Variants in OR10G3 observed in about 807,000 individuals in gnomAD.
The protein encoded by OR10G3 is olfactory receptor 10G3.
OR10G3 carries 8 observed loss-of-function variants against 13.4 expected under a neutral mutation model. That is an observed-to-expected ratio of 0.60 (90% CI 0.35 to 1.08). The LOEUF (loss-of-function observed/expected upper bound fraction) is 1.08, where lower values mean the gene tolerates loss of function less well. Among genes scored for constraint, OR10G3 ranks in the 50% least tolerant of loss-of-function variants. The pLI is 0.02. For missense variants in OR10G3, 393 were observed against 386.6 expected (o/e 1.02, Z -0.14); for synonymous variants, 142 against 156.1 (o/e 0.91, Z 0.67).
At chr14:21,573,382 C>G (rs1242777349) in intron 1 of OR10G3, among the ~76,000 whole-genome samples, 1 of 151,922 alleles carries the variant, frequency 6.6e-6, no homozygotes, top group Non-Finnish European at 1.5e-5. Flanking sequence ...TCAAAAGGTA[C>G]AAAGTTTCAG....
intron 1 of OR10G3, among the ~76,000 whole-genome samples, chr14:21,575,303 G>A (rs1191108111): frequency 6.6e-6 from 1 of 151,680 alleles, no homozygotes; most frequent in Non-Finnish European, 1.5e-5. Flanking sequence ...GGATGGTCTC[G>A]ATCTCCTGAC....
chr14:21,571,705 C>T (rs1893071306), intron 1 of OR10G3, among the ~76,000 whole-genome samples: 1 of 151,070 alleles, frequency 6.6e-6, no homozygotes, highest in Admixed American at 6.6e-5. Context: ...AGACAGAGTT[C>T]TCTCTGTCAC....
chr14:21,574,453 A>G (rs1009830027), intron 1 of OR10G3, among the ~76,000 whole-genome samples: 5 of 152,188 alleles, frequency 3.3e-5, no homozygotes, highest in African/African-American at 1.2e-4. Flanking sequence ...TGTGCAGGGC[A>G]GCATTCTGCC....
Position 21,572,616 on chromosome 14 carries a change from A to C in OR10G3, c.-17-1855T>G, listed in dbSNP as rs993517600. On this transcript the variant is annotated intron_variant, in intron 1 of 1. Transcript: ENST00000641040. ...CATCTCAAACAAACAAACAAAAAAA[A>C]AAAAAAAAAAAAAAAGAAGGAAAAG... Among the ~76,000 whole-genome samples the C allele has an allele frequency of 5.1e-3, 771 of 150,732 alleles. 3 individuals carry two copies. The highest frequency in any genetic ancestry group is 0.014 in the Middle Eastern group (4 of 290).
intron 1 of OR10G3, among the ~76,000 whole-genome samples, chr14:21,576,175 C>T: frequency 6.6e-6 from 1 of 152,152 alleles, no homozygotes; most frequent in East Asian, 1.9e-4. Context: ...TTAGGTCTCT[C>T]TGGGGGAATC....
rs146937748 is a variant in OR10G3, at chr14:21,577,677, T to C, written c.-18+2109A>G. 1.3e-5 allele frequency among the ~76,000 whole-genome samples: 2 copies of C among 152,354 alleles called. 1 individual carries two copies. The highest frequency in any genetic ancestry group is 4.8e-5 in the African/African-American group (2 of 41,588). On this transcript the variant is annotated intron_variant, in intron 1 of 1. Transcript: ENST00000641040. ...TGAATTCATGAAGTTGCCCGACTTCTTTCATTGACAATCTATCACACTGAG... is the reference window on the plus strand; with the variant it reads ...TGAATTCATGAAGTTGCCCGACTTCCTTCATTGACAATCTATCACACTGAG...
chr14:21,575,348 T>C (rs1351222182), intron 1 of OR10G3, among the ~76,000 whole-genome samples: 2 of 150,222 alleles, frequency 1.3e-5, no homozygotes, highest in South Asian at 4.2e-4. Flanking sequence ...CCCAAAGTGC[T>C]GGGATTACAG....
intron 1 of OR10G3, among the ~76,000 whole-genome samples, chr14:21,573,671 C>CA (rs35838711): frequency 0.2 from 26,667 of 136,506 alleles, 3,922 homozygotes; most frequent in African/African-American, 0.42. Context: ...GACTCTGTCT[C>CA]AAAAAAAAAA....
chr14:21,575,991 C>T (rs1187295364), intron 1 of OR10G3, among the ~76,000 whole-genome samples: 1 of 152,184 alleles, frequency 6.6e-6, no homozygotes, highest in Non-Finnish European at 1.5e-5. Flanking sequence ...AGTACAGAGG[C>T]TCAAGTTCCC....
rs1004610760 is a variant in OR10G3, at chr14:21,569,340, C to T, written c.*463G>A. On this transcript the variant is annotated 3_prime_UTR_variant, in exon 2 of 2. Transcript: ENST00000641040. ...TTAAGGGTGGATCTGCCTTTCCCAG[C>T]CTTCAAATGTTAATCTCTTTTGGCA... 28 of 157,220 alleles carry T rather than the reference C, an allele frequency of 1.8e-4. No homozygotes were observed. Among genetic ancestry groups the T allele is most frequent in the Admixed American group, 1.7e-3 (28 of 16,294 alleles). 9.7% of individuals were successfully genotyped at this position (157,220 alleles called of 1,614,324 possible).
At chr14:21,577,515 T>C (rs761608056) in intron 1 of OR10G3, among the ~76,000 whole-genome samples, 7 of 152,248 alleles carry the variant, frequency 4.6e-5, no homozygotes, top group Non-Finnish European at 8.8e-5. Flanking sequence ...TCATGTGAAC[T>C]GAATCACAAT....
At chr14:21,577,858 G>T (rs145371226) in intron 1 of OR10G3, among the ~76,000 whole-genome samples, 2 of 151,618 alleles carry the variant, frequency 1.3e-5, no homozygotes, top group African/African-American at 2.4e-5. Flanking sequence ...CAAAATTAGT[G>T]TGGTGTGGTG....
intron 1 of OR10G3, among the ~76,000 whole-genome samples, chr14:21,576,556 A>G (rs2139714454): frequency 6.6e-6 from 1 of 152,248 alleles, no homozygotes; most frequent in African/African-American, 2.4e-5. Flanking sequence ...GTTTTATTCT[A>G]ATTATTTTCT....
intron 1 of OR10G3, among the ~76,000 whole-genome samples, chr14:21,571,238 T>C (rs949024135): frequency 6.6e-6 from 1 of 152,184 alleles, no homozygotes; most frequent in South Asian, 2.1e-4. Context: ...GGCCACTGGC[T>C]CACTCTTATC....
Position 21,569,747 on chromosome 14 carries a change from T to A in OR10G3, c.*56A>T. The stretch of plus-strand genomic sequence containing the variant: ...AGAAAAGAAAAAAGTTACCGAAGCC[T>A]AAACATTATAATAAATTCTAATTGT... On this transcript the variant is annotated 3_prime_UTR_variant, in exon 2 of 2. Transcript: ENST00000641040. 2 of 1,451,628 alleles carry A rather than the reference T, an allele frequency of 1.4e-6. No homozygotes were observed. Among genetic ancestry groups the A allele is most frequent in the South Asian group, 2.5e-5 (2 of 79,140 alleles). 89.9% of individuals were successfully genotyped at this position (1,451,628 alleles called of 1,614,324 possible).
chr14:21,574,933 C>G (rs1036316454), intron 1 of OR10G3: 1 of 148,698 alleles, frequency 6.7e-6, no homozygotes, highest in Non-Finnish European at 1.5e-5. Flanking sequence ...GAGACCCTGT[C>G]TTAAAACAAA....
rs200504089 is a variant in OR10G3 at position 21,570,295 on chromosome 14, C to T, written c.450G>A (p.Trp150Ter). Reference sequence around the variant, plus strand: ...GAGCCCCATGGATGGATCCTGCCATCCAGGCTCCAGCCACAAGCAAGGCGC... The same window carrying T: ...GAGCCCCATGGATGGATCCTGCCATTCAGGCTCCAGCCACAAGCAAGGCGC... Reference protein sequence around the residue: ...KLSALLVAGAWMAGSIHGALQ... With the variant: ...KLSALLVAGA The change falls in exon 2 of 2, where the codon TGG (tryptophan) becomes TGA (stop). Residue 150 changes from tryptophan to a stop codon, truncating the protein, a stop_gained. Transcript: ENST00000641040. LOFTEE classifies it high-confidence loss of function. 6.2e-7 allele frequency: 1 copy of T among 1,614,204 alleles called. No homozygotes were observed. The highest frequency in any genetic ancestry group is 2.2e-5 in the East Asian group (1 of 44,878).
intron 1 of OR10G3, among the ~76,000 whole-genome samples, chr14:21,577,184 A>G (rs966602337): frequency 3.5e-5 from 5 of 142,720 alleles, no homozygotes; most frequent in African/African-American, 1.5e-4. Flanking sequence ...TTCAAAAATA[A>G]AAGAGAGAGA....
At chr14:21,574,015 T>C (rs1229091224) in intron 1 of OR10G3, among the ~76,000 whole-genome samples, 2 of 152,038 alleles carry the variant, frequency 1.3e-5, no homozygotes, top group African/African-American at 4.8e-5. Flanking sequence ...TTGAAATTGA[T>C]TGATTTGGCT....
Sources: allele counts gnomAD v4.1 joint callset (sites outside exome capture counted in the v4.1 genomes callset), GRCh38; gene constraint gnomAD v4.1.1; transcripts MANE v1.5; gene names NCBI Gene and HGNC (gene_info 2026-07-23, HGNC 2026-07-21).